Variants in KRT24 observed in about 807,000 individuals in gnomAD.
The protein encoded by KRT24 is keratin 24.
Under a neutral mutation model 51.7 loss-of-function variants are expected in KRT24, and 44 were observed. The observed-to-expected ratio is 0.85, with a 90% CI of 0.67 to 1.09. KRT24 has a LOEUF of 1.09. KRT24 is among the 50% of genes least tolerant of loss of function. The pLI is 0.00. For synonymous variants in KRT24, 241 were observed against 249.5 expected, an observed-to-expected ratio of 0.97 and a Z score of 0.32; for missense variants, 633 against 647.0, an observed-to-expected ratio of 0.98 and a Z score of 0.24.
intron 6 of KRT24, among the ~76,000 whole-genome samples, chr17:40,698,875 ATTTTT>A (rs11315622): frequency 7.6e-6 from 1 of 130,962 alleles, no homozygotes; most frequent in Admixed American, 7.5e-5. Context: ...TGCCCAGCTA[ATTTTT>A]TTTTTTTTTT....
At chr17:40,699,758 G>T (rs1325448050) in intron 5 of KRT24, 97 bp from the exon 6 acceptor site, 1 of 1,099,000 alleles carries the variant, frequency 9.1e-7, no homozygotes, top group Non-Finnish European at 1.3e-6. Flanking sequence ...GTGCACCTTC[G>T]CCATATAACC....
rs1315913324 is a variant in KRT24 at position 40,700,018 on chromosome 17, G to A, written c.1123C>T (p.Leu375Phe). The A allele has an allele frequency of 6.2e-7, 1 of 1,614,068 alleles. No individual in the cohort carries two copies. The highest frequency in any genetic ancestry group is 1.3e-5 in the African/African-American group (1 of 74,934). The change falls in exon 5 of 8, where the codon CTT becomes TTT. Residue 375 changes from leucine (L) to phenylalanine (F), a missense_variant. Leu to Phe is a conservative substitution (Grantham distance 22). Coordinates refer to ENST00000264651, the MANE Select transcript of KRT24 (RefSeq NM_019016.3). ...CATACCATGGCCAGTTGGGACTGAA[G>A]CTCAATTTCCAGGGCTTGCAGGGTA... Reference protein sequence around the residue: ...KRTLQALEIELQSQLAMKSSL... With the variant: ...KRTLQALEIEFQSQLAMKSSL...
chr17:40,699,408 G>T, intron 6 of KRT24, 36 bp downstream of exon 6: 1 of 1,522,860 alleles, frequency 6.6e-7, no homozygotes, highest in Non-Finnish European at 9.1e-7. Flanking sequence ...AATTCACTAA[G>T]GTATGCATTT....
chr17:40,700,714 C>T (rs933565535), intron 3 of KRT24, among the ~76,000 whole-genome samples: 4 of 152,136 alleles, frequency 2.6e-5, no homozygotes, highest in African/African-American at 9.7e-5. Flanking sequence ...CTGCCTCAGC[C>T]TCCTGAGTAG....
chr17:40,702,860 GT>G (rs1273588495), intron 1 of KRT24, among the ~76,000 whole-genome samples: 2 of 152,120 alleles, frequency 1.3e-5, no homozygotes, highest in Admixed American at 1.3e-4. Flanking sequence ...AAGTTTTACT[GT>G]TATGTAGAAA....
rs185666375 is a variant in KRT24 at position 40,701,826 on chromosome 17, G to T, written c.698+25C>A. 5.8e-3 allele frequency: 6,098 copies of T among 1,059,006 alleles called. 38 individuals are homozygous for T. The highest frequency in any genetic ancestry group is 6.7e-3 in the Non-Finnish European group (5,240 of 784,026). The allele number at this position is 1,059,006 out of a possible 1,614,324, so 65.6% of individuals were successfully genotyped here. A position where few individuals can be genotyped will look rare whatever the true frequency, so the allele number is the denominator to read the frequency against. ...AATTTATTTTTCTCCCGTAACACTT[G>T]TTTTCAAGTCTTTATGTTTCTTACT... On this transcript the variant is annotated intron_variant, in intron 2 of 7. Transcript: ENST00000264651.
rs1416464270 is a variant in KRT24, at chr17:40,703,267, T to C, written c.427A>G (p.Thr143Ala). 1.9e-6 allele frequency: 3 copies of C among 1,613,994 alleles called. No individual in the cohort carries two copies. The highest frequency in any genetic ancestry group is 2.7e-5 in the African/African-American group (2 of 74,914). ...AAGCGGTCATTGAGGTTCTGCATGGTTTGCTTTTCCCCTCCAGAGAAAAGC... is the reference window on the plus strand; with the variant it reads ...AAGCGGTCATTGAGGTTCTGCATGGCTTGCTTTTCCCCTCCAGAGAAAAGC... ...GGLFSGGEKQ[T>A]MQNLNDRLAN... The change falls in exon 1 of 8, where the codon ACC becomes GCC. Residue 143 changes from threonine (T) to alanine (A), a missense_variant. Transcript: ENST00000264651.
At chr17:40,702,510 G>A (rs899233356) in intron 1 of KRT24, among the ~76,000 whole-genome samples, 5 of 152,168 alleles carry the variant, frequency 3.3e-5, no homozygotes, top group Non-Finnish European at 4.4e-5. Context: ...CTGTTTTACA[G>A]GACATAGTCC....
rs1451724272 is a variant in KRT24, at chr17:40,699,706, T to C, written c.1144-45A>G. ...AAAAATTCATGATGAAAATAAATCA[T>C]TGGATGATTTTTTAAAAATGCAATT... On this transcript the variant is annotated intron_variant, in intron 5 of 7. Transcript: ENST00000264651. The C allele has an allele frequency of 9.1e-6, 14 of 1,539,598 alleles. No individual in the cohort carries two copies. The African/African-American group carries it at 1.1e-4, about 12-fold the overall frequency.
intron 3 of KRT24, 28 bp downstream of exon 3, chr17:40,701,112 T>C (rs777235426): frequency 2.5e-6 from 4 of 1,608,512 alleles, no homozygotes; most frequent in Non-Finnish European, 3.4e-6. Flanking sequence ...TAGCTAGAGT[T>C]ATTCGTTTAT....
chr17:40,700,647 G>A (rs530391234), intron 3 of KRT24, among the ~76,000 whole-genome samples: 22 of 152,020 alleles, frequency 1.4e-4, no homozygotes, highest in African/African-American at 5.1e-4. Flanking sequence ...AGGCTGGAGT[G>A]CAGTGGCTTG....
chr17:40,701,863 T>C lies in KRT24; in HGVS notation c.686A>G (p.Asp229Gly). 1 of 1,467,126 alleles carries C rather than the reference T, an allele frequency of 6.8e-7. No homozygotes were observed. The highest frequency in any genetic ancestry group is 9.1e-7 in the Non-Finnish European group (1 of 1,095,700). 90.9% of individuals were successfully genotyped at this position (1,467,126 alleles called of 1,614,324 possible). A position where few individuals can be genotyped will look rare whatever the true frequency, so the allele number is the denominator to read the frequency against. ...TTATGTTTCTTACTTCAGTCTGAAG[T>C]CATCAGCAGCCAATCTGGCATTGTC... ...HIDNARLAAD[D>G]FRLKYENELC... Residue 229 changes from aspartate (D) to glycine (G), a missense_variant, in exon 2 of 8, where the codon GAC (aspartate) becomes GGC (glycine). Coordinates refer to ENST00000264651, the MANE Select transcript of KRT24 (RefSeq NM_019016.3).
intron 1 of KRT24, 132 bp downstream of exon 1, chr17:40,702,947 C>T (rs2037699540): frequency 2.4e-6 from 2 of 831,898 alleles, no homozygotes; most frequent in South Asian, 4.0e-5. Flanking sequence ...TAAGACACAT[C>T]AGGTCCCACT....
At position 40,700,262 on chromosome 17, in the gene KRT24, T is replaced by C; in HGVS notation, c.977A>G (p.Glu326Gly). 1 of 1,614,158 alleles carries C rather than the reference T, an allele frequency of 6.2e-7. No homozygotes were observed. The highest frequency in any genetic ancestry group is 1.7e-5 in the Admixed American group (1 of 60,020). The change falls in exon 4 of 8, where the codon GAG becomes GGG. Residue 326 changes from glutamate (E) to glycine (G), a missense_variant. Coordinates refer to ENST00000264651, the MANE Select transcript of KRT24 (RefSeq NM_019016.3). The stretch of plus-strand genomic sequence containing the variant: ...CTCCTCAGCCTCTCGGCGGTTTTGC[T>C]CAGCCAGCTCCTCGTACTGCGCCCT... ...DMRAQYEELAEQNRREAEERF... is the reference protein window; with the variant it reads ...DMRAQYEELAGQNRREAEERF...
chr17:40,698,337 G>C lies in KRT24; in HGVS notation c.1478C>G (p.Ser493Ter), dbSNP rs1329472961. Reference protein sequence around the residue: ...SGSCSGQGRDSSKTRVTKTIV... With the variant: ...SGSCSGQGRD ...AGTCTTAGTCACTCTAGTCTTGCTT[G>C]AATCTGAAAATCATGGGATTGCAAT... The change falls in exon 8 of 8, where the codon TCA becomes TGA. Residue 493 changes from serine to a stop codon, truncating the protein, a stop_gained. Coordinates refer to ENST00000264651, the MANE Select transcript of KRT24 (RefSeq NM_019016.3). LOFTEE classifies it high-confidence loss of function. 2 of 1,600,592 alleles carry C rather than the reference G, an allele frequency of 1.2e-6. No individual in the cohort carries two copies. Among genetic ancestry groups the C allele is most frequent in the Non-Finnish European group, 1.7e-6 (2 of 1,168,634 alleles).
At chr17:40,699,955 C>T in intron 5 of KRT24, 43 bp downstream of exon 5, 2 of 1,612,498 alleles carry the variant, frequency 1.2e-6, no homozygotes, top group South Asian at 1.1e-5. Flanking sequence ...ACTGCATTTG[C>T]TTAACTCCCT....
Position 40,700,112 on chromosome 17 carries a change from T to C in KRT24, c.1029A>G (p.Leu343=), listed in dbSNP as rs181321605. ...EERFNKQSAS[L]QAQISTDAGA... ...CAGCATCAGTGGAGATTTGTGCTTG[T>C]AGTGATGCGCTCTAAATACAAACAT... The change falls in exon 5 of 8, where the codon CTA becomes CTG. Residue 343 remains leucine, a synonymous_variant. Coordinates refer to ENST00000264651, the MANE Select transcript of KRT24 (RefSeq NM_019016.3). 8.1e-6 allele frequency: 13 copies of C among 1,614,200 alleles called. No individual in the cohort carries two copies. In the African/African-American group the frequency reaches 1.5e-4, roughly 18 times the overall value.
chr17:40,699,325 C>G, intron 6 of KRT24, 119 bp downstream of exon 6: 1 of 780,886 alleles, frequency 1.3e-6, no homozygotes, highest in Admixed American at 2.0e-5. Context: ...TGCACGCAGC[C>G]TGTGTCTGTT....
At chr17:40,700,664 G>A (rs998006275) in intron 3 of KRT24, among the ~76,000 whole-genome samples, 1 of 151,882 alleles carries the variant, frequency 6.6e-6, no homozygotes, top group Non-Finnish European at 1.5e-5. Flanking sequence ...CTTGATCTCG[G>A]CTCACTGCAA....
Sources: allele counts gnomAD v4.1 joint callset (sites outside exome capture counted in the v4.1 genomes callset), GRCh38; gene constraint gnomAD v4.1.1; transcripts MANE v1.5; gene names NCBI Gene and HGNC (gene_info 2026-07-23, HGNC 2026-07-21).